Variants in DMD observed in about 807,000 individuals in gnomAD.
DMD encodes mutant dystrophin.
In DMD, 63 loss-of-function variants were observed where a neutral mutation model predicts 330.1. The observed-to-expected ratio is 0.19, with a 90% CI of 0.16 to 0.24. DMD has a LOEUF of 0.24. Ranked by LOEUF, DMD falls within the 10% of genes least tolerant of loss-of-function variation. DMD has a pLI of 1.00. For missense variants in DMD, 3,344 were observed against 2,684.1 expected (o/e 1.25, Z -5.43); for synonymous variants, 1,223 against 959.8 (o/e 1.27, Z -5.07).
intron 1 of DMD, among the ~76,000 whole-genome samples, chrX:33,058,767 T>A (rs978100000): frequency 9.8e-5 from 11 of 111,903 alleles, no homozygotes; most frequent in African/African-American, 3.2e-4. Context: ...TGATATTGTC[T>A]TATTATATTT....
At position 32,086,547 on chromosome X, in the gene DMD, G is replaced by A. The variant is rs557705393; in HGVS notation, c.6439-118033C>T. 4.4e-4 allele frequency among the ~76,000 whole-genome samples: 49 copies of A among 111,187 alleles called. 1 individual carries two copies. The South Asian group carries it at 0.018, about 41-fold the overall frequency. On this transcript the variant is annotated intron_variant, in intron 44 of 78. Transcript: ENST00000357033. ...GGCATTCATCCTTTGTTGTTGGGTG[G>A]GGGGGAAGAAGCACAATCATCATCA...
Position 31,803,632 on chromosome X carries a change from C to T in DMD, c.7309+16343G>A, listed in dbSNP as rs181352756. ...TTTCCCTCCCTCCCTCCCTCCCTCC[C>T]TCCCTTCCTTCCTTTCTTTGTCTTC... On this transcript the variant is annotated intron_variant, in intron 50 of 78. Coordinates refer to ENST00000357033, the MANE Select transcript of DMD (RefSeq NM_004006.3). 1.2e-3 allele frequency among the ~76,000 whole-genome samples: 118 copies of T among 97,526 alleles called. No homozygotes were observed. In the East Asian group the frequency reaches 0.025, roughly 20 times the overall value. The allele number at this position is 97,526 out of a possible 115,157, so 84.7% of individuals were successfully genotyped here.
At chrX:31,492,699 A>C (rs749188578) in intron 57 of DMD, among the ~76,000 whole-genome samples, 5 of 111,701 alleles carry the variant, frequency 4.5e-5, no homozygotes, top group Non-Finnish European at 7.5e-5. Context: ...GAAGCCATAA[A>C]AAAGGATGAG....
intron 1 of DMD, among the ~76,000 whole-genome samples, chrX:33,125,185 A>C (rs974210882): frequency 6.3e-5 from 7 of 110,572 alleles, no homozygotes; most frequent in East Asian, 5.7e-4. Context: ...TCAATATAAT[A>C]TTTAAAGATT....
At chrX:31,590,678 T>C (rs921719606) in intron 55 of DMD, among the ~76,000 whole-genome samples, 1 of 111,696 alleles carries the variant, frequency 9.0e-6, no homozygotes, top group African/African-American at 3.2e-5. Context: ...TCAGGGGTGA[T>C]AAATGACTAC....
intron 45 of DMD, among the ~76,000 whole-genome samples, chrX:31,962,033 G>C (rs1444878443): frequency 1.8e-5 from 2 of 110,789 alleles, no homozygotes; most frequent in Non-Finnish European, 3.8e-5. Flanking sequence ...TCTAGAGTAA[G>C]GACTCCGGAG....
At chrX:32,748,361 A>AAG (rs2070348064) in intron 7 of DMD, among the ~76,000 whole-genome samples, 1 of 106,946 alleles carries the variant, frequency 9.4e-6, no homozygotes, top group African/African-American at 3.6e-5. Context: ...AAAAAAAAAG[A>AAG]AAAGAAAAGA....
At chrX:32,905,319 C>T (rs1944113195) in intron 2 of DMD, among the ~76,000 whole-genome samples, 1 of 111,827 alleles carries the variant, frequency 8.9e-6, no homozygotes, top group African/African-American at 3.3e-5. Flanking sequence ...GACTAATCCC[C>T]TTAGCAAAGA....
intron 74 of DMD, among the ~76,000 whole-genome samples, chrX:31,160,547 G>C (rs2038682860): frequency 9.0e-6 from 1 of 111,679 alleles, no homozygotes; most frequent in Non-Finnish European, 1.9e-5. Context: ...CTTTACCAAA[G>C]TGTGTTCCAT....
At chrX:31,629,627 T>C (rs1391888995) in intron 54 of DMD, among the ~76,000 whole-genome samples, 6 of 111,822 alleles carry the variant, frequency 5.4e-5, no homozygotes, top group Non-Finnish European at 9.4e-5. Context: ...TTATCTAGTT[T>C]TCAGGCAAAC....
chrX:31,662,826 AAAT>A (rs2148644882), intron 53 of DMD, among the ~76,000 whole-genome samples: 1 of 112,157 alleles, frequency 8.9e-6, no homozygotes, highest in South Asian at 3.7e-4. Context: ...ATTGCTCGGA[AAAT>A]TGTAAAACAG....
At chrX:31,551,178 C>T (rs1386211205) in intron 55 of DMD, among the ~76,000 whole-genome samples, 11 of 54,348 alleles carry the variant, frequency 2.0e-4, no homozygotes, top group Middle Eastern at 9.0e-3. Context: ...GACTCCATCT[C>T]GGGAAAAAAA....
intron 7 of DMD, among the ~76,000 whole-genome samples, chrX:32,722,816 T>A (rs1478829662): frequency 1.8e-5 from 2 of 111,538 alleles, no homozygotes; most frequent in East Asian, 5.6e-4. Flanking sequence ...TTATTAGTTC[T>A]AACATTTTTC....
intron 7 of DMD, among the ~76,000 whole-genome samples, chrX:32,807,125 A>T (rs1446983545): frequency 4.0e-4 from 40 of 99,628 alleles, no homozygotes; most frequent in African/African-American, 1.4e-3. Flanking sequence ...AAACATTTAA[A>T]AAAAAAAAAA....
intron 11 of DMD, among the ~76,000 whole-genome samples, chrX:32,635,181 T>A (rs978618665): frequency 1.2e-4 from 13 of 111,561 alleles, no homozygotes; most frequent in African/African-American, 4.3e-4. Flanking sequence ...TGCAAGCACA[T>A]AGACTCTCTC....
chrX:32,328,441 T>C (rs918886094), intron 41 of DMD, among the ~76,000 whole-genome samples: 1 of 111,785 alleles, frequency 8.9e-6, no homozygotes, highest in African/African-American at 3.2e-5. Context: ...GTCTTGTTTT[T>C]GCTCCTCACA....
At chrX:31,196,139 A>G (rs2042859390) in intron 67 of DMD, among the ~76,000 whole-genome samples, 1 of 111,836 alleles carries the variant, frequency 8.9e-6, no homozygotes, top group Non-Finnish European at 1.9e-5. Flanking sequence ...CTGGAAACCA[A>G]TATTAAACTT....
chrX:31,909,518 GAAAA>G (rs775462001), intron 47 of DMD, among the ~76,000 whole-genome samples: 27 of 56,053 alleles, frequency 4.8e-4, no homozygotes, highest in Non-Finnish European at 8.4e-4. Flanking sequence ...AGAGAAATGT[GAAAA>G]AAAAAAAAAA....
chrX:32,827,496 C>A (rs2078808696), intron 4 of DMD, among the ~76,000 whole-genome samples: 1 of 110,698 alleles, frequency 9.0e-6, no homozygotes, highest in South Asian at 3.8e-4. Flanking sequence ...AATTGCGTGT[C>A]ATGGGGGTTT....
Sources: allele counts gnomAD v4.1 joint callset (sites outside exome capture counted in the v4.1 genomes callset), GRCh38; gene constraint gnomAD v4.1.1; transcripts MANE v1.5; gene names NCBI Gene and HGNC (gene_info 2026-07-23, HGNC 2026-07-21).